Variants in SLC27A6 observed in about 807,000 individuals in gnomAD.
SLC27A6 encodes long-chain fatty acid transport protein 6.
In SLC27A6, 74 loss-of-function variants were observed where a neutral mutation model predicts 63.9. That is an observed-to-expected ratio of 1.16 (90% CI 0.96 to 1.40). The LOEUF is 1.40. SLC27A6 is among the 40% of genes most tolerant of loss of function. SLC27A6 has a pLI of 0.00. For synonymous variants in SLC27A6, 287 were observed against 260.8 expected, an observed-to-expected ratio of 1.10 and a Z score of -0.97; for missense variants, 794 against 732.9, an observed-to-expected ratio of 1.08 and a Z score of -0.96.
At chr5:129,011,927 A>C (rs1041574585) in intron 4 of SLC27A6, among the ~76,000 whole-genome samples, 6 of 152,142 alleles carry the variant, frequency 3.9e-5, no homozygotes, top group African/African-American at 1.4e-4. Flanking sequence ...CTAGCTTCCA[A>C]GCCTGTTTGC....
intron 6 of SLC27A6, among the ~76,000 whole-genome samples, chr5:129,025,514 T>TA (rs983924565): frequency 6.6e-6 from 1 of 152,108 alleles, no homozygotes; most frequent in Admixed American, 6.6e-5. Context: ...TTCCTTTTTT[T>TA]ACGCCTCAGT....
At chr5:128,971,476 CTCT>C (rs1750158642) in intron 1 of SLC27A6, among the ~76,000 whole-genome samples, 1 of 151,888 alleles carries the variant, frequency 6.6e-6, no homozygotes, top group South Asian at 2.1e-4. Context: ...GGATAGTTAG[CTCT>C]TCTTGTTGAA....
intron 2 of SLC27A6, among the ~76,000 whole-genome samples, chr5:128,987,692 A>C (rs1750836375): frequency 6.6e-6 from 1 of 152,140 alleles, no homozygotes. Flanking sequence ...AAAAGGTAAG[A>C]GAAGGAAAAC....
At chr5:129,011,143 G>A (rs1474221219) in intron 4 of SLC27A6, among the ~76,000 whole-genome samples, 2 of 152,100 alleles carry the variant, frequency 1.3e-5, no homozygotes, top group Admixed American at 6.6e-5. Flanking sequence ...GCAGATTTAT[G>A]TATTTATCTT....
intron 1 of SLC27A6, among the ~76,000 whole-genome samples, chr5:128,966,975 C>G (rs1166103078): frequency 2.0e-5 from 3 of 152,162 alleles, no homozygotes; most frequent in Non-Finnish European, 4.4e-5. Flanking sequence ...TTCATTGTGA[C>G]ACGTCTACCT....
chr5:129,006,100 A>T, intron 4 of SLC27A6, among the ~76,000 whole-genome samples: 1 of 31,204 alleles, frequency 3.2e-5, no homozygotes, highest in Non-Finnish European at 4.7e-5. Context: ...TTTTTTTGAG[A>T]CGGAGTCTCG....
At chr5:128,968,900 T>A (rs1347470495) in intron 1 of SLC27A6, among the ~76,000 whole-genome samples, 1 of 152,248 alleles carries the variant, frequency 6.6e-6, no homozygotes, top group Non-Finnish European at 1.5e-5. Flanking sequence ...GTTTTAGGTC[T>A]AACATTTAAG....
chr5:128,990,342 G>A lies in SLC27A6; in HGVS notation c.847G>A (p.Ala283Thr). 1 of 1,612,440 alleles carries A rather than the reference G, an allele frequency of 6.2e-7. No individual in the cohort carries two copies. The highest frequency in any genetic ancestry group is 8.5e-7 in the Non-Finnish European group (1 of 1,179,640). Residue 283 changes from alanine to threonine, a missense_variant and splice_region_variant, in exon 4 of 10, where the codon GCC (alanine) becomes ACC (threonine). Physicochemically the swap from Ala to Thr is moderately conservative, Grantham distance 58. Coordinates refer to ENST00000262462, the MANE Select transcript of SLC27A6 (RefSeq NM_001017372.3). ...CCTGTTTTTGTCTTTTCTTATAGGT[G>A]CCACTTGTGTGTTAAAGAAGAAATT... ...LGISGCVELG[A>T]TCVLKKKFSA...
At chr5:128,967,274 A>C (rs1749942169) in intron 1 of SLC27A6, among the ~76,000 whole-genome samples, 1 of 152,092 alleles carries the variant, frequency 6.6e-6, no homozygotes, top group Admixed American at 6.5e-5. Context: ...CTTAGGCTAC[A>C]CGTATTTTCA....
chr5:129,021,540 T>G (rs1431966527), intron 5 of SLC27A6, among the ~76,000 whole-genome samples: 1 of 152,232 alleles, frequency 6.6e-6, no homozygotes, highest in Non-Finnish European at 1.5e-5. Flanking sequence ...TGCACAGTTC[T>G]GCTATGAATG....
At chr5:128,978,713 C>A (rs1483744120) in intron 1 of SLC27A6, among the ~76,000 whole-genome samples, 1 of 152,060 alleles carries the variant, frequency 6.6e-6, no homozygotes, top group Non-Finnish European at 1.5e-5. Context: ...TCAAAGAAAC[C>A]ACACTATTAT....
Position 129,027,179 on chromosome 5 carries a change from C to A in SLC27A6, c.1302C>A (p.Phe434Leu). The A allele has an allele frequency of 6.2e-7, 1 of 1,613,482 alleles. No individual in the cohort carries two copies. ...CTCGAGTGAATGCAAAAAATCCCTT[C>A]TTTGGCTATGCTGGGCCTTATAAGC... ...LISRVNAKNP[F>L]FGYAGPYKHT... The change falls in exon 7 of 10, where the codon TTC (phenylalanine) becomes TTA (leucine). Residue 434 changes from phenylalanine to leucine, a missense_variant. Phe to Leu is a conservative substitution (Grantham distance 22). Coordinates refer to ENST00000262462, the MANE Select transcript of SLC27A6 (RefSeq NM_001017372.3).
In SLC27A6 at chr5:129,029,645, G is replaced by C; in HGVS notation, c.1621G>C (p.Val541Leu). Residue 541 changes from valine (V) to leucine (L), a missense_variant, in exon 9 of 10, where the codon GTT becomes CTT. Val to Leu is a conservative substitution (Grantham distance 32, BLOSUM62 1). Coordinates refer to ENST00000262462, the MANE Select transcript of SLC27A6 (RefSeq NM_001017372.3). ...KPNTSLDLEKVYEQVVTFLPA... is the reference protein window; with the variant it reads ...KPNTSLDLEKLYEQVVTFLPA... ...AAATACATCTTTAGATTTGGAAAAA[G>C]TTTATGAACAAGTTGTAACATTTCT... 6.2e-7 allele frequency: 1 copy of C among 1,601,634 alleles called. No homozygotes were observed. Among genetic ancestry groups the C allele is most frequent in the African/African-American group, 1.3e-5 (1 of 74,218 alleles).
At chr5:129,005,781 T>C (rs557422080) in intron 4 of SLC27A6, among the ~76,000 whole-genome samples, 61 of 151,436 alleles carry the variant, frequency 4.0e-4, no homozygotes, top group Middle Eastern at 3.4e-3. Flanking sequence ...CCTGGCTAAT[T>C]TTTCCTATTT....
At chr5:129,000,853 T>G (rs1032616181) in intron 4 of SLC27A6, among the ~76,000 whole-genome samples, 1 of 151,790 alleles carries the variant, frequency 6.6e-6, no homozygotes. Context: ...TTGAATGTTC[T>G]GGGTCTGAGG....
In SLC27A6 at chr5:129,015,836, AG is replaced by A. The variant is rs754898830; in HGVS notation, c.970-48del. The A allele has an allele frequency of 7.9e-6, 10 of 1,268,814 alleles. No individual in the cohort carries two copies. In the African/African-American group the frequency reaches 1.4e-4, roughly 17 times the overall value. 78.6% of individuals were successfully genotyped at this position (1,268,814 alleles called of 1,614,324 possible). The stretch of plus-strand genomic sequence containing the variant: ...TTTTCATTTAAATAATAATAAAGAA[AG>A]AATTAGAAACTGGAACTAATTACAA... On this transcript the variant is annotated intron_variant, in intron 4 of 9. Transcript: ENST00000262462.
intron 1 of SLC27A6, among the ~76,000 whole-genome samples, chr5:128,975,195 A>G (rs1750334980): frequency 6.6e-6 from 1 of 152,210 alleles, no homozygotes; most frequent in Non-Finnish European, 1.5e-5. Context: ...TACTAAAAAT[A>G]CAAAAATTAG....
intron 9 of SLC27A6, among the ~76,000 whole-genome samples, chr5:129,032,434 C>A (rs1752443910): frequency 6.6e-6 from 1 of 151,952 alleles, no homozygotes; most frequent in Non-Finnish European, 1.5e-5. Flanking sequence ...TGCTTTTTAT[C>A]CCAGCAACTA....
chr5:129,001,364 A>C (rs1751326352), intron 4 of SLC27A6, among the ~76,000 whole-genome samples: 1 of 152,176 alleles, frequency 6.6e-6, no homozygotes, highest in Non-Finnish European at 1.5e-5. Context: ...GCTCTGCAAT[A>C]GCCATTTGAC....
Sources: gnomAD v4.1 joint callset for allele counts (sites outside exome capture counted in the v4.1 genomes callset) on GRCh38, gnomAD v4.1.1 for gene constraint, MANE v1.5 for transcripts, NCBI Gene and HGNC (gene_info 2026-07-23, HGNC 2026-07-21) for gene names.